ERBB4: variants seen among roughly 807,000 people sequenced by gnomAD.
ERBB4 encodes erb-b2 receptor tyrosine kinase 4, also known as receptor tyrosine-protein kinase erbB-4.
In ERBB4, 42 loss-of-function variants were observed where a neutral mutation model predicts 158.0. The observed-to-expected ratio is 0.27, with a 90% CI of 0.21 to 0.34. The LOEUF (loss-of-function observed/expected upper bound fraction) is 0.34. Among genes scored for constraint, ERBB4 ranks in the 10% least tolerant of loss-of-function variants. The pLI is 1.00. For missense variants in ERBB4, 1,333 were observed against 1,624.1 expected, an observed-to-expected ratio of 0.82 and a Z score of 3.08; for synonymous variants, 583 against 558.7, an observed-to-expected ratio of 1.04 and a Z score of -0.61.
At chr2:211,868,538 A>G (rs2078264877) in intron 3 of ERBB4, among the ~76,000 whole-genome samples, 1 of 152,188 alleles carries the variant, frequency 6.6e-6, no homozygotes, top group Non-Finnish European at 1.5e-5. Context: ...ATAATTGTGA[A>G]TAATACAGAA....
intron 1 of ERBB4, among the ~76,000 whole-genome samples, chr2:212,420,054 T>C (rs2091758946): frequency 6.6e-6 from 1 of 152,066 alleles, no homozygotes; most frequent in South Asian, 2.1e-4. Context: ...TAAGCTTTCA[T>C]AAAAGGTGCT....
At chr2:211,812,422 G>A (rs2076779331) in intron 3 of ERBB4, among the ~76,000 whole-genome samples, 1 of 152,170 alleles carries the variant, frequency 6.6e-6, no homozygotes, top group Non-Finnish European at 1.5e-5. Context: ...CTTCATCCCA[G>A]AGGGGCACCT....
chr2:212,013,013 G>A (rs1330481737), intron 2 of ERBB4, among the ~76,000 whole-genome samples: 3 of 150,774 alleles, frequency 2.0e-5, no homozygotes, highest in Admixed American at 6.6e-5. Flanking sequence ...CCAAAGTGCT[G>A]ATACTACAGG....
At chr2:211,740,296 GTA>G (rs1250340847) in intron 5 of ERBB4, among the ~76,000 whole-genome samples, 1 of 151,546 alleles carries the variant, frequency 6.6e-6, no homozygotes, top group African/African-American at 2.4e-5. Context: ...AAATATTTTT[GTA>G]TGTTTTTATA....
intron 3 of ERBB4, among the ~76,000 whole-genome samples, chr2:211,888,673 C>A (rs1297136062): frequency 6.6e-6 from 1 of 151,966 alleles, no homozygotes; most frequent in Non-Finnish European, 1.5e-5. Context: ...AGACAGTGGG[C>A]GCAGGCCAGT....
chr2:212,441,656 T>C (rs562784901), intron 1 of ERBB4, among the ~76,000 whole-genome samples: 1 of 152,118 alleles, frequency 6.6e-6, no homozygotes, highest in African/African-American at 2.4e-5. Flanking sequence ...GCCCACTAAA[T>C]AGGGGCTCTG....
In ERBB4 at chr2:211,992,565, G is replaced by GGAA. The variant is rs56400627; in HGVS notation, c.235-44950_235-44949insTTC. 2.2e-3 allele frequency among the ~76,000 whole-genome samples: 265 copies of GGAA among 122,568 alleles called. 27 individuals carry two copies. The highest frequency in any genetic ancestry group is 0.013 in the Middle Eastern group (3 of 232). 80.4% of individuals were successfully genotyped at this position (122,568 alleles called of 152,430 possible). A position where few individuals can be genotyped will look rare whatever the true frequency, so the allele number is the denominator to read the frequency against. ...ACAGTGAGAGAGAGAGAGAGAGAGA[G>GGAA]AGAAAAAAAAAAAAAACATGAGTTT... On this transcript the variant is annotated intron_variant, in intron 2 of 27. Transcript: ENST00000342788.
At chr2:212,141,397 A>G (rs900871130) in intron 1 of ERBB4, among the ~76,000 whole-genome samples, 3 of 152,022 alleles carry the variant, frequency 2.0e-5, no homozygotes, top group Admixed American at 6.6e-5. Context: ...TTTTTATTCC[A>G]TACTGTGTAA....
At chr2:212,001,299 C>T (rs1559287917) in intron 2 of ERBB4, among the ~76,000 whole-genome samples, 1 of 151,946 alleles carries the variant, frequency 6.6e-6, no homozygotes, top group Non-Finnish European at 1.5e-5. Context: ...TTCTTAATTC[C>T]TTAAAGTTTA....
At chr2:212,393,595 T>C (rs2106443359) in intron 1 of ERBB4, among the ~76,000 whole-genome samples, 1 of 152,254 alleles carries the variant, frequency 6.6e-6, no homozygotes, top group Non-Finnish European at 1.5e-5. Flanking sequence ...GTGGATGTTC[T>C]TGTCTCTATG....
intron 19 of ERBB4, among the ~76,000 whole-genome samples, chr2:211,588,601 G>A (rs2068362815): frequency 6.6e-6 from 1 of 151,858 alleles, no homozygotes; most frequent in Non-Finnish European, 1.5e-5. Flanking sequence ...TAAAATAAGT[G>A]CTATTATTAT....
chr2:211,835,070 A>T (rs1258095420), intron 3 of ERBB4, among the ~76,000 whole-genome samples: 1 of 152,080 alleles, frequency 6.6e-6, no homozygotes, highest in East Asian at 1.9e-4. Context: ...TTTTTCCTTA[A>T]TATTTTTAGG....
chr2:212,355,911 TAAGG>T (rs1348081127), intron 1 of ERBB4, among the ~76,000 whole-genome samples: 2 of 151,976 alleles, frequency 1.3e-5, no homozygotes, highest in Non-Finnish European at 2.9e-5. Context: ...CAACCTTTGC[TAAGG>T]AAGTTAGTCA....
chr2:211,861,825 T>A (rs1036467224), intron 3 of ERBB4, among the ~76,000 whole-genome samples: 11 of 151,972 alleles, frequency 7.2e-5, no homozygotes, highest in Non-Finnish European at 1.6e-4. Flanking sequence ...AGCAAGGAAA[T>A]GAAAAAACTA....
At chr2:212,169,669 T>G (rs952791938) in intron 1 of ERBB4, among the ~76,000 whole-genome samples, 1 of 152,130 alleles carries the variant, frequency 6.6e-6, no homozygotes, top group Non-Finnish European at 1.5e-5. Flanking sequence ...AATTGTAATC[T>G]CCATAATTCC....
intron 1 of ERBB4, among the ~76,000 whole-genome samples, chr2:212,444,070 G>A (rs1375994014): frequency 6.6e-6 from 1 of 152,162 alleles, no homozygotes; most frequent in Admixed American, 6.5e-5. Context: ...ACATGAGGAA[G>A]TGGCTCAAAT....
chr2:212,074,274 C>T (rs1395118281), intron 2 of ERBB4, among the ~76,000 whole-genome samples: 1 of 151,966 alleles, frequency 6.6e-6, no homozygotes, highest in Non-Finnish European at 1.5e-5. Context: ...ACAACTAATA[C>T]TATAAATAAT....
chr2:212,106,664 C>G (rs2079236839), intron 2 of ERBB4, among the ~76,000 whole-genome samples: 1 of 152,230 alleles, frequency 6.6e-6, no homozygotes, highest in African/African-American at 2.4e-5. Flanking sequence ...CAGGGCATGT[C>G]AGAGACCTTC....
At chr2:211,966,070 C>T (rs1018136427) in intron 2 of ERBB4, among the ~76,000 whole-genome samples, 3 of 151,998 alleles carry the variant, frequency 2.0e-5, no homozygotes, top group African/African-American at 4.8e-5. Flanking sequence ...AAAATTTAGC[C>T]GGACATTGTG....
Sources: allele counts gnomAD v4.1 joint callset (sites outside exome capture counted in the v4.1 genomes callset), GRCh38; gene constraint gnomAD v4.1.1; transcripts MANE v1.5; gene names NCBI Gene and HGNC (gene_info 2026-07-23, HGNC 2026-07-21).